The following CCR9 variants were observed in gnomAD, a reference collection of about 807,000 sequenced individuals.
The protein encoded by CCR9 is C-C motif chemokine receptor 9, also known as C-C chemokine receptor type 9.
Under a neutral mutation model 8.7 loss-of-function variants are expected in CCR9, and 4 were observed. That is an observed-to-expected ratio of 0.46 (90% CI 0.23 to 1.06). CCR9 has a LOEUF of 1.06. CCR9 is among the 50% of genes least tolerant of loss of function. The pLI, the probability that CCR9 is intolerant of heterozygous loss-of-function variation, is 0.21. For synonymous variants in CCR9, 159 were observed against 168.8 expected (o/e 0.94, Z 0.45); for missense variants, 394 against 453.6 (o/e 0.87, Z 1.19).
intron 1 of CCR9, among the ~76,000 whole-genome samples, chr3:45,891,903 G>C (rs1702190774): frequency 6.6e-6 from 1 of 151,964 alleles, no homozygotes; most frequent in Non-Finnish European, 1.5e-5. Context: ...TTTTTTCCAG[G>C]AATAAAGATG....
chr3:45,899,356 A>G (rs1007343053), intron 2 of CCR9, among the ~76,000 whole-genome samples: 1 of 152,230 alleles, frequency 6.6e-6, no homozygotes, highest in African/African-American at 2.4e-5. Context: ...GGATATTACA[A>G]TGTATACAGA....
intron 2 of CCR9, chr3:45,897,642 A>T (rs1167455741): frequency 1.3e-6 from 2 of 1,528,116 alleles, no homozygotes; most frequent in Non-Finnish European, 1.8e-6. Context: ...CCCAGGACTA[A>T]CACAGCTAAG....
chr3:45,897,065 T>G (rs1575301338), intron 2 of CCR9, among the ~76,000 whole-genome samples: 1 of 152,158 alleles, frequency 6.6e-6, no homozygotes, highest in African/African-American at 2.4e-5. Context: ...CGTGCCTGTG[T>G]GGGAGCAACA....
rs1702604103 is a variant in CCR9, at chr3:45,902,926, A to C, written c.*1028A>C. ...TTACTTCCATGCTTCTCCTTTTCTT[A>C]CTCTATAGTGGCAACATTTTAAAAG... On this transcript the variant is annotated 3_prime_UTR_variant, in exon 3 of 3. Transcript: ENST00000357632. 1 of 166,780 alleles carries C rather than the reference A, an allele frequency of 6.0e-6. No individual in the cohort carries two copies. The highest frequency in any genetic ancestry group is 1.5e-5 in the Non-Finnish European group (1 of 68,046). The allele number at this position is 166,780 out of a possible 1,614,324, so 10.3% of individuals were successfully genotyped here.
At chr3:45,893,132 A>C (rs1575297127) in intron 1 of CCR9, among the ~76,000 whole-genome samples, 4 of 143,042 alleles carry the variant, frequency 2.8e-5, no homozygotes, top group Non-Finnish European at 4.6e-5. Context: ...GCCCTCCCAC[A>C]CTCCCCTTCC....
At chr3:45,897,557 G>A (rs1702397151) in intron 2 of CCR9, 2 of 1,532,214 alleles carry the variant, frequency 1.3e-6, no homozygotes, top group East Asian at 2.4e-5. Flanking sequence ...TTCTGCTCCT[G>A]CAGTCTCCTC....
At chr3:45,886,887 C>T (rs1379244230) in intron 1 of CCR9, among the ~76,000 whole-genome samples, 1 of 152,122 alleles carries the variant, frequency 6.6e-6, no homozygotes, top group African/African-American at 2.4e-5. Flanking sequence ...ATACATGAAG[C>T]TTAGGCTTAA....
chr3:45,890,324 AATATATATATAACATATATATATAACAT>A (rs1559421557), intron 1 of CCR9, among the ~76,000 whole-genome samples: 1 of 83,094 alleles, frequency 1.2e-5, no homozygotes, highest in Non-Finnish European at 2.1e-5. Flanking sequence ...TATTTATATA[AATATATATATAACATATATATATAACAT>A]ATATATATAT....
chr3:45,897,817 C>T (rs1486463828), intron 2 of CCR9, among the ~76,000 whole-genome samples: 2 of 152,078 alleles, frequency 1.3e-5, no homozygotes, highest in Admixed American at 6.6e-5. Context: ...TGCTGCTCCT[C>T]GCTACCTGGA....
intron 2 of CCR9, among the ~76,000 whole-genome samples, chr3:45,898,475 G>A (rs1410555626): frequency 6.6e-6 from 1 of 152,238 alleles, no homozygotes; most frequent in East Asian, 1.9e-4. Context: ...AGGGAGACGA[G>A]TTTTCTTTAG....
At chr3:45,895,363 T>C (rs188742127) in intron 2 of CCR9, among the ~76,000 whole-genome samples, 94 of 152,380 alleles carry the variant, frequency 6.2e-4, no homozygotes, top group African/African-American at 2.2e-3. Context: ...GTAGACCTTA[T>C]GAAAACACGT....
intron 1 of CCR9, among the ~76,000 whole-genome samples, chr3:45,891,122 G>A (rs917926672): frequency 5.0e-4 from 76 of 152,166 alleles, no homozygotes; most frequent in African/African-American, 1.5e-3. Context: ...TCATTTTTCA[G>A]ATAAATGTCA....
chr3:45,886,880 C>T lies in CCR9; in HGVS notation c.-29+225C>T, dbSNP rs1701997530. ...ATAAAACTCCCTCCCCCTTCACATA[C>T]ATGAAGCTTAGGCTTAAGGCAGTCT... On this transcript the variant is annotated intron_variant, in intron 1 of 2. Transcript: ENST00000357632. 3.3e-5 allele frequency among the ~76,000 whole-genome samples: 5 copies of T among 152,110 alleles called. No individual in the cohort carries two copies. In the South Asian group the frequency reaches 1.0e-3, roughly 32 times the overall value.
intron 1 of CCR9, among the ~76,000 whole-genome samples, chr3:45,893,310 AC>A (rs1702249174): frequency 6.6e-6 from 1 of 152,060 alleles, no homozygotes; most frequent in South Asian, 2.1e-4. Context: ...GCACACCACC[AC>A]ACCTGGCTAA....
chr3:45,895,644 G>T (rs573661061), intron 2 of CCR9, among the ~76,000 whole-genome samples: 5 of 152,084 alleles, frequency 3.3e-5, no homozygotes, highest in Admixed American at 6.5e-5. Flanking sequence ...AGCCTGGGAG[G>T]TGGAGGTTGC....
At chr3:45,898,728 G>A (rs1250036097) in intron 2 of CCR9, among the ~76,000 whole-genome samples, 3 of 152,230 alleles carry the variant, frequency 2.0e-5, no homozygotes, top group African/African-American at 7.2e-5. Context: ...TCAATTCAGT[G>A]AGCCCTGATA....
chr3:45,895,605 G>A (rs1218334927), intron 2 of CCR9, among the ~76,000 whole-genome samples: 1 of 152,064 alleles, frequency 6.6e-6, no homozygotes, highest in Non-Finnish European at 1.5e-5. Context: ...TCCCAGCTAC[G>A]TGGGAGGCTG....
Position 45,900,928 on chromosome 3 carries a change from C to A in CCR9, c.140C>A (p.Ala47Glu). 1 of 1,614,166 alleles carries A rather than the reference C, an allele frequency of 6.2e-7. No homozygotes were observed. Among genetic ancestry groups the A allele is most frequent in the Non-Finnish European group, 8.5e-7 (1 of 1,180,028 alleles). The change falls in exon 3 of 3, where the codon GCG becomes GAG. Residue 47 changes from alanine to glutamate, a missense_variant. Physicochemically the swap from Ala to Glu is moderately radical, Grantham distance 107. Coordinates refer to ENST00000357632, the MANE Select transcript of CCR9 (RefSeq NM_031200.3). This position sits in a 1 kb window ranked among gnomAD's most constrained non-coding sequence, Gnocchi z 4.7. ...YCEKNNVRQF[A>E]SHFLPPLYWL... ...GAGAAAAACAATGTCAGGCAGTTTG[C>A]GAGCCATTTCCTCCCACCCTTGTAC...
intron 1 of CCR9, among the ~76,000 whole-genome samples, chr3:45,893,137 C>T (rs1283268144): frequency 6.6e-6 from 1 of 151,894 alleles, no homozygotes; most frequent in Non-Finnish European, 1.5e-5. Context: ...CCCACACTCC[C>T]CTTCCCTCTC....
Sources: gnomAD v4.1 joint callset for allele counts (sites outside exome capture counted in the v4.1 genomes callset) on GRCh38, gnomAD v4.1.1 for gene constraint, Gnocchi (gnomAD v3.1) non-coding constraint, MANE v1.5 for transcripts, NCBI Gene and HGNC (gene_info 2026-07-23, HGNC 2026-07-21) for gene names.